The following DTNB variants were observed in gnomAD, a reference collection of about 807,000 sequenced individuals.
The protein encoded by DTNB is dystrobrevin beta, also known as DTN-B.
Under a neutral mutation model 90.7 loss-of-function variants are expected in DTNB, and 63 were observed. The observed-to-expected ratio is 0.69, with a 90% CI of 0.57 to 0.86. DTNB has a LOEUF of 0.86. DTNB is among the 40% of genes least tolerant of loss of function. The pLI is 0.00. For synonymous variants in DTNB, 277 were observed against 286.7 expected, an observed-to-expected ratio of 0.97 and a Z score of 0.34; for missense variants, 744 against 807.1, an observed-to-expected ratio of 0.92 and a Z score of 0.95.
intron 10 of DTNB, among the ~76,000 whole-genome samples, chr2:25,458,867 G>T (rs556656827): frequency 1.3e-5 from 2 of 151,980 alleles, no homozygotes; most frequent in Admixed American, 1.3e-4. Flanking sequence ...GGATGGTCTC[G>T]ATCTCCCGAC....
chr2:25,620,667 GAGTA>G (rs1048842886), intron 4 of DTNB, among the ~76,000 whole-genome samples: 2 of 152,092 alleles, frequency 1.3e-5, no homozygotes, highest in African/African-American at 2.4e-5. Context: ...ACAAGATAAA[GAGTA>G]AGTAAGTGAT....
At chr2:25,447,104 T>G (rs6712045) in intron 12 of DTNB, among the ~76,000 whole-genome samples, 19,512 of 152,276 alleles carry the variant, frequency 0.13, 2,117 homozygotes, top group East Asian at 0.61. Context: ...GACAGTATTT[T>G]GTCAGGTTTT....
At chr2:25,460,892 A>C (rs1407283866) in intron 10 of DTNB, among the ~76,000 whole-genome samples, 1 of 141,560 alleles carries the variant, frequency 7.1e-6, no homozygotes, top group East Asian at 2.0e-4. Context: ...GAGGCCAAGA[A>C]AGGTTTTTTG....
At chr2:25,433,072 C>T in intron 13 of DTNB, 73 bp from the exon 14 acceptor site, 1 of 1,416,688 alleles carries the variant, frequency 7.1e-7, no homozygotes, top group Admixed American at 2.5e-5. Flanking sequence ...CCTATTACAA[C>T]TTTTCAACTC....
chr2:25,434,011 C>T lies in DTNB; in HGVS notation c.1258-16G>A, dbSNP rs1395949. ...GAGGACGAGTCTAAAGTGGGGAAGT[C>T]GGGAGAAAGTTTTTTTTTTTCTGAT... is the stretch of plus-strand genomic sequence containing the variant. On this transcript the variant is annotated splice_polypyrimidine_tract_variant and intron_variant, in intron 12 of 20. Coordinates refer to ENST00000406818, the MANE Select transcript of DTNB (RefSeq NM_021907.5). 27 of 1,605,448 alleles carry T rather than the reference C, an allele frequency of 1.7e-5. No individual in the cohort carries two copies. The highest frequency in any genetic ancestry group is 2.3e-5 in the Non-Finnish European group (27 of 1,177,450).
chr2:25,648,873 T>C (rs1340150388), intron 2 of DTNB, among the ~76,000 whole-genome samples: 3 of 152,082 alleles, frequency 2.0e-5, no homozygotes, highest in Non-Finnish European at 4.4e-5. Context: ...TTCTTTCACC[T>C]TTATCTGGTT....
chr2:25,541,757 T>A (rs916822761), intron 8 of DTNB, among the ~76,000 whole-genome samples: 5 of 152,200 alleles, frequency 3.3e-5, no homozygotes, highest in Non-Finnish European at 5.9e-5. Context: ...CTGCTTTCAA[T>A]TCTTTTGGTT....
At chr2:25,485,788 G>A (rs1246368143) in intron 9 of DTNB, among the ~76,000 whole-genome samples, 1 of 151,918 alleles carries the variant, frequency 6.6e-6, no homozygotes, top group Non-Finnish European at 1.5e-5. Context: ...ATGGCCTGGG[G>A]AACGTAGTGA....
chr2:25,572,998 T>TG (rs1194951641), intron 8 of DTNB, among the ~76,000 whole-genome samples: 4 of 151,594 alleles, frequency 2.6e-5, no homozygotes, highest in African/African-American at 9.7e-5. Context: ...TGGAGTGCAA[T>TG]GGCACGATCT....
chr2:25,420,467 A>AATCAATCTATCT (rs771676964), intron 15 of DTNB, among the ~76,000 whole-genome samples: 97 of 145,624 alleles, frequency 6.7e-4, no homozygotes, highest in African/African-American at 2.4e-3. Flanking sequence ...CATCTAAATC[A>AATCAATCTATCT]ATCTATCTAT....
intron 9 of DTNB, among the ~76,000 whole-genome samples, chr2:25,529,268 C>A (rs2077699411): frequency 6.6e-6 from 1 of 152,116 alleles, no homozygotes; most frequent in Non-Finnish European, 1.5e-5. Flanking sequence ...GTTGAATTAT[C>A]TAATGAATGA....
At chr2:25,639,149 G>A (rs1359328253) in intron 2 of DTNB, 55 bp from the exon 3 acceptor site, 12 of 1,480,322 alleles carry the variant, frequency 8.1e-6, no homozygotes, top group South Asian at 6.4e-5. Context: ...GTTTCCAAAC[G>A]CTAGGAAATG....
In DTNB at chr2:25,539,342, C is replaced by A. The variant is rs151284211; in HGVS notation, c.877-7745G>T. On this transcript the variant is annotated intron_variant, in intron 8 of 20. Coordinates refer to ENST00000406818, the MANE Select transcript of DTNB (RefSeq NM_021907.5). ...TTTTACAAAGTGGTAACATTAATTT[C>A]CACTCTCATCAGCTGTGTGAGAGTT... Among the ~76,000 whole-genome samples the A allele has an allele frequency of 2.0e-5, 3 of 152,334 alleles. No individual in the cohort carries two copies. In the East Asian group the frequency reaches 5.8e-4, roughly 29 times the overall value.
At chr2:25,445,478 G>A (rs2058262142) in intron 12 of DTNB, among the ~76,000 whole-genome samples, 1 of 152,148 alleles carries the variant, frequency 6.6e-6, no homozygotes, top group Non-Finnish European at 1.5e-5. Flanking sequence ...GAGAAACAAA[G>A]CAAGAATTCC....
intron 10 of DTNB, among the ~76,000 whole-genome samples, chr2:25,467,826 T>C (rs1454250754): frequency 6.6e-6 from 1 of 152,206 alleles, no homozygotes; most frequent in Admixed American, 6.5e-5. Context: ...TTAGGCTTTG[T>C]AGGCCATAAG....
At chr2:25,570,957 T>C (rs1402929229) in intron 8 of DTNB, among the ~76,000 whole-genome samples, 3 of 152,226 alleles carry the variant, frequency 2.0e-5, no homozygotes, top group East Asian at 1.9e-4. Context: ...CAACTCCATA[T>C]GGACGGATAT....
At chr2:25,622,656 C>T (rs1183293000) in intron 4 of DTNB, among the ~76,000 whole-genome samples, 1 of 152,102 alleles carries the variant, frequency 6.6e-6, no homozygotes, top group Non-Finnish European at 1.5e-5. Context: ...TGCATGTGAA[C>T]ACTCTAGCCC....
In DTNB at chr2:25,524,423, G is replaced by A. The variant is rs544799140; in HGVS notation, c.1001+7050C>T. On this transcript the variant is annotated intron_variant, in intron 9 of 20. Transcript: ENST00000406818. Reference sequence around the variant, plus strand: ...GAGCTTTTTTTTTTTTTTTTTTGGTGGGGGGGGTGGTCTGCTGACTATATT... The same window carrying A: ...GAGCTTTTTTTTTTTTTTTTTTGGTAGGGGGGGTGGTCTGCTGACTATATT... 3.7e-3 allele frequency among the ~76,000 whole-genome samples: 533 copies of A among 143,880 alleles called. 1 individual carries two copies. Among genetic ancestry groups the A allele is most frequent in the African/African-American group, 0.013 (492 of 38,946 alleles). 94.4% of individuals were successfully genotyped at this position (143,880 alleles called of 152,430 possible). A position where few individuals can be genotyped will look rare whatever the true frequency, so the allele number is the denominator to read the frequency against.
chr2:25,560,734 C>T (rs2058129576), intron 8 of DTNB, among the ~76,000 whole-genome samples: 1 of 152,168 alleles, frequency 6.6e-6, no homozygotes, highest in Admixed American at 6.5e-5. Context: ...CGCGTGCCCA[C>T]CCTATTGAGT....
Sources: allele counts gnomAD v4.1 joint callset (sites outside exome capture counted in the v4.1 genomes callset), GRCh38; gene constraint gnomAD v4.1.1; transcripts MANE v1.5; gene names NCBI Gene and HGNC (gene_info 2026-07-23, HGNC 2026-07-21).